ZSCAN1: variants seen among roughly 807,000 people sequenced by gnomAD.
ZSCAN1 encodes zinc finger and SCAN domain containing 1.
A neutral mutation model predicts 23.8 loss-of-function variants in ZSCAN1; 23 were observed. The observed-to-expected ratio is 0.97, with a 90% CI of 0.70 to 1.37. The LOEUF is 1.37. ZSCAN1 is among the 40% of genes most tolerant of loss of function. The pLI, the probability that ZSCAN1 is intolerant of heterozygous loss-of-function variation, is 0.00. For synonymous variants in ZSCAN1, 236 were observed against 232.3 expected (o/e 1.02, Z -0.15); for missense variants, 575 against 554.0 (o/e 1.04, Z -0.38).
At chr19:58,046,384 T>C (rs778752075) in intron 4 of ZSCAN1, 4 of 902,594 alleles carry the variant, frequency 4.4e-6, no homozygotes, top group African/African-American at 3.3e-5. Context: ...CAGCAAGAGA[T>C]TGACAAAAAG....
downstream of ZSCAN1, among the ~76,000 whole-genome samples, chr19:58,055,722 C>T (rs2073886238): frequency 6.6e-6 from 1 of 152,192 alleles, no homozygotes; most frequent in African/African-American, 2.4e-5. Flanking sequence ...CATGCTGTTT[C>T]CATCTCGGTC....
In ZSCAN1 at chr19:58,040,166, GT is replaced by G. The variant is rs1181577720; in HGVS notation, c.371-282del. Among the ~76,000 whole-genome samples, 1 of 152,220 alleles carries G rather than the reference GT, an allele frequency of 6.6e-6. No homozygotes were observed. The highest frequency in any genetic ancestry group is 1.5e-5 in the Non-Finnish European group (1 of 68,038). On this transcript the variant is annotated intron_variant, in intron 3 of 5. Transcript: ENST00000282326. This position sits in a 1 kb window ranked among gnomAD's most constrained non-coding sequence, Gnocchi z 5.8. ...GGCTCACAGTGCTCGGGCCTCCCTAGTTAGTCAGTGCTGCAGTGTGTGTCCT... is the reference window on the plus strand; with the variant it reads ...GGCTCACAGTGCTCGGGCCTCCCTAGTAGTCAGTGCTGCAGTGTGTGTCCT...
chr19:58,045,758 TG>T lies in ZSCAN1; in HGVS notation c.465+5215del. ...AGGGAAAACCACCTGAGGGGCCAGC[TG>T]AAGCAGTGGCTGGACCTGCACCTGC... On this transcript the variant is annotated intron_variant, in intron 4 of 5. Coordinates refer to ENST00000282326, the MANE Select transcript of ZSCAN1 (RefSeq NM_182572.4). This position sits in a 1 kb window ranked among gnomAD's most constrained non-coding sequence, Gnocchi z 4.3. 1 of 1,497,108 alleles carries T rather than the reference TG, an allele frequency of 6.7e-7. No homozygotes were observed. The highest frequency in any genetic ancestry group is 9.3e-7 in the Non-Finnish European group (1 of 1,074,330). The allele number at this position is 1,497,108 out of a possible 1,614,324, so 92.7% of individuals were successfully genotyped here. A position where few individuals can be genotyped will look rare whatever the true frequency, so the allele number is the denominator to read the frequency against.
Position 58,038,131 on chromosome 19 carries a change from C to T in ZSCAN1, c.295C>T (p.Gln99Ter), listed in dbSNP as rs1253011522. ...ALPSKMRTWV[Q>*]SQGPRSCREA... The stretch of plus-strand genomic sequence containing the variant: ...GCCCAGCAAGATGCGGACCTGGGTG[C>T]AGTCACAGGGCCCCCGAAGCTGCAG... The change falls in exon 3 of 6, where the codon CAG (glutamine) becomes TAG (stop). Residue 99 changes from glutamine (Q) to a stop codon, truncating the protein, a stop_gained. Transcript: ENST00000282326. LOFTEE classifies it high-confidence loss of function. 6.8e-6 allele frequency: 11 copies of T among 1,610,018 alleles called. No homozygotes were observed. Among genetic ancestry groups the T allele is most frequent in the Non-Finnish European group, 8.5e-6 (10 of 1,179,478 alleles).
At position 58,037,789 on chromosome 19, in the gene ZSCAN1, G is replaced by C. The variant is rs1023102979; in HGVS notation, c.-48G>C. Reference sequence around the variant, plus strand: ...GCTCTGTCCGGAGCCACTGGGACTCGGGATCCAGTCCACACACACCCCTCA... The same window carrying C: ...GCTCTGTCCGGAGCCACTGGGACTCCGGATCCAGTCCACACACACCCCTCA... On this transcript the variant is annotated 5_prime_UTR_variant, in exon 3 of 6. Transcript: ENST00000282326. The C allele has an allele frequency of 1.4e-6, 2 of 1,432,514 alleles. No individual in the cohort carries two copies. Among genetic ancestry groups the C allele is most frequent in the Admixed American group, 2.8e-5 (1 of 35,334 alleles). 88.7% of individuals were successfully genotyped at this position (1,432,514 alleles called of 1,614,324 possible). A position where few individuals can be genotyped will look rare whatever the true frequency, so the allele number is the denominator to read the frequency against.
At chr19:58,036,673 G>A (rs370242580) in intron 2 of ZSCAN1, among the ~76,000 whole-genome samples, 1 of 151,664 alleles carries the variant, frequency 6.6e-6, no homozygotes, top group African/African-American at 2.4e-5. Flanking sequence ...GTGCCACCAC[G>A]CCCAACTCAT....
At chr19:58,044,559 A>G in intron 4 of ZSCAN1, 1 of 601,090 alleles carries the variant, frequency 1.7e-6, no homozygotes. Context: ...CCAGCGCAGG[A>G]GGCCCGAGCG....
rs187301482 is a variant in ZSCAN1, at chr19:58,047,370, C to T, written c.466-5120C>T. Among the ~76,000 whole-genome samples, 15 of 152,358 alleles carry T rather than the reference C, an allele frequency of 9.8e-5. No individual in the cohort carries two copies. In the East Asian group the frequency reaches 2.7e-3, roughly 27 times the overall value. ...CCCTGCTGGCAGGGCCGGTTCTCACCTGCAGTTTTCCTTGTGTATCGGAGC... is the reference window on the plus strand; with the variant it reads ...CCCTGCTGGCAGGGCCGGTTCTCACTTGCAGTTTTCCTTGTGTATCGGAGC... On this transcript the variant is annotated intron_variant, in intron 4 of 5. Transcript: ENST00000282326. This position sits in a 1 kb window ranked among gnomAD's most constrained non-coding sequence, Gnocchi z 4.9.
intron 2 of ZSCAN1, among the ~76,000 whole-genome samples, chr19:58,037,149 C>T (rs1454423979): frequency 2.0e-5 from 3 of 152,158 alleles, no homozygotes; most frequent in Admixed American, 2.0e-4. Context: ...GTGGTGGTGT[C>T]ATCCATTATT....
chr19:58,052,879 T>A (rs946383286), intron 5 of ZSCAN1, among the ~76,000 whole-genome samples: 1 of 151,476 alleles, frequency 6.6e-6, no homozygotes, highest in Non-Finnish European at 1.5e-5. Context: ...AGTCTGAGAG[T>A]GTTGGAGCAC....
At chr19:58,055,398 T>C (rs1217652855), downstream of ZSCAN1, among the ~76,000 whole-genome samples, 1 of 152,164 alleles carries the variant, frequency 6.6e-6, no homozygotes, top group Non-Finnish European at 1.5e-5. Flanking sequence ...CCTCCGGACC[T>C]TGCTTCCCGG....
intron 4 of ZSCAN1, among the ~76,000 whole-genome samples, chr19:58,042,254 T>C (rs2073794505): frequency 6.6e-6 from 1 of 151,864 alleles, no homozygotes; most frequent in African/African-American, 2.4e-5. Context: ...AAGAGGAACT[T>C]CTACTTTACT....
At chr19:58,044,626 G>A in intron 4 of ZSCAN1, 3 of 1,057,882 alleles carry the variant, frequency 2.8e-6, no homozygotes, top group Non-Finnish European at 1.4e-6. Context: ...GCGGCTGGGC[G>A]CCCGCCAGCC....
At position 58,052,494 on chromosome 19, in the gene ZSCAN1, C is replaced by T. The variant is rs2073863491; in HGVS notation, c.470C>T (p.Ser157Phe). 2.5e-6 allele frequency: 4 copies of T among 1,614,144 alleles called. No individual in the cohort carries two copies. The East Asian group carries it at 6.7e-5, about 27-fold the overall frequency. The change falls in exon 5 of 6, where the codon TCT becomes TTT. Residue 157 changes from serine (S) to phenylalanine (F), a missense_variant. By Grantham distance (155) the Ser-to-Phe change is radical. Transcript: ENST00000282326. ...PRSQKEPSQA[S>F]ELILDAVAAA... ...GTCCTGTGCTTGCCATTCTAGGCGTCTGAGCTGATTCTGGATGCAGTGGCA... is the reference window on the plus strand; with the variant it reads ...GTCCTGTGCTTGCCATTCTAGGCGTTTGAGCTGATTCTGGATGCAGTGGCA...
chr19:58,038,724 T>C (rs887759009), intron 3 of ZSCAN1, among the ~76,000 whole-genome samples: 1 of 152,356 alleles, frequency 6.6e-6, no homozygotes, highest in South Asian at 2.1e-4. Flanking sequence ...CTGACAGGGC[T>C]TTGTCCTTCT....
rs1405581561 is a variant in ZSCAN1, at chr19:58,049,379, ATCC to A, written c.466-3110_466-3108del. On this transcript the variant is annotated intron_variant, in intron 4 of 5. Coordinates refer to ENST00000282326, the MANE Select transcript of ZSCAN1 (RefSeq NM_182572.4). This position sits in a 1 kb window ranked among gnomAD's most constrained non-coding sequence, Gnocchi z 4.5. ...TTTTTGCTTGTAACACTGTACCATC[ATCC>A]GGCAGATCTTGGATCCCTCTGCGAT... 6 of 152,234 alleles carry A rather than the reference ATCC, an allele frequency of 3.9e-5. No homozygotes were observed. Among genetic ancestry groups the A allele is most frequent in the African/African-American group, 1.4e-4 (6 of 41,422 alleles). The allele number at this position is 152,234 out of a possible 1,614,324, so 9.4% of individuals were successfully genotyped here.
In ZSCAN1 at chr19:58,047,205, A is replaced by G. The variant is rs1399750726; in HGVS notation, c.466-5285A>G. On this transcript the variant is annotated intron_variant, in intron 4 of 5. Transcript: ENST00000282326. This position sits in a 1 kb window ranked among gnomAD's most constrained non-coding sequence, Gnocchi z 4.9. ...CAGCCTGGCCCCCTCAGGGCTGAAG[A>G]TGCCTCCATTCACCTGTGGACCTTG... Among the ~76,000 whole-genome samples, 1 of 152,206 alleles carries G rather than the reference A, an allele frequency of 6.6e-6. No homozygotes were observed. The highest frequency in any genetic ancestry group is 2.4e-5 in the African/African-American group (1 of 41,454).
At chr19:58,043,218 C>T (rs1243867183) in intron 4 of ZSCAN1, among the ~76,000 whole-genome samples, 1 of 152,254 alleles carries the variant, frequency 6.6e-6, no homozygotes, top group East Asian at 1.9e-4. Flanking sequence ...CGCATACAAC[C>T]GCCTACCATC....
chr19:58,040,508 TG>T lies in ZSCAN1; in HGVS notation c.432del (p.Lys145ArgfsTer15). The stretch of plus-strand genomic sequence containing the variant: ...ACTGGAGTTTCGGTGAGGAGGAAGA[TG>T]GGAAGAGTCCAAGGTCCCAGAAAGA... ...QDWSFGEEED[G>X]KSPRSQKEPS... is the part of the protein sequence containing the mutation. On this transcript the variant is annotated frameshift_variant, in exon 4 of 6. Coordinates refer to ENST00000282326, the MANE Select transcript of ZSCAN1 (RefSeq NM_182572.4). LOFTEE classifies it high-confidence loss of function. This position sits in a 1 kb window ranked among gnomAD's most constrained non-coding sequence, Gnocchi z 5.8. 1.2e-6 allele frequency: 2 copies of T among 1,613,466 alleles called. No individual in the cohort carries two copies. Among genetic ancestry groups the T allele is most frequent in the Non-Finnish European group, 8.5e-7 (1 of 1,179,954 alleles).
Sources: allele counts gnomAD v4.1 joint callset (sites outside exome capture counted in the v4.1 genomes callset), GRCh38; gene constraint gnomAD v4.1.1; non-coding constraint Gnocchi (gnomAD v3.1); transcripts MANE v1.5; gene names NCBI Gene and HGNC (gene_info 2026-07-23, HGNC 2026-07-21).